The following DAB1 variants were observed in gnomAD, a reference collection of about 807,000 sequenced individuals.
The protein encoded by DAB1 is DAB adaptor protein 1.
DAB1 carries 15 observed loss-of-function variants against 64.6 expected under a neutral mutation model. That is an observed-to-expected ratio of 0.23 (90% CI 0.16 to 0.36). DAB1 has a LOEUF of 0.36. Ranked by LOEUF, DAB1 falls within the 10% of genes least tolerant of loss-of-function variation. The probability of loss-of-function intolerance (pLI) is 1.00; values close to 1 mark genes in which losing one functional copy is unlikely to be tolerated. For missense variants in DAB1, 596 were observed against 706.7 expected (o/e 0.84, Z 1.78); for synonymous variants, 235 against 251.9 (o/e 0.93, Z 0.64).
chr1:58,173,552 GT>G (rs1656294036), intron 4 of DAB1, among the ~76,000 whole-genome samples: 1 of 152,022 alleles, frequency 6.6e-6, no homozygotes, highest in South Asian at 2.1e-4. Flanking sequence ...ATACAAAATG[GT>G]TTTTTCTCCA....
intron 3 of DAB1, among the ~76,000 whole-genome samples, chr1:58,347,052 C>G (rs982528518): frequency 2.0e-5 from 3 of 151,894 alleles, no homozygotes; most frequent in Non-Finnish European, 4.4e-5. Flanking sequence ...AGAAAAGGTA[C>G]TTTATAAAGC....
At chr1:57,472,854 T>G (rs150694886) in intron 7 of DAB1, among the ~76,000 whole-genome samples, 3 of 152,324 alleles carry the variant, frequency 2.0e-5, no homozygotes, top group African/African-American at 4.8e-5. Flanking sequence ...CCTTAGCATG[T>G]CCATACCTTT....
At chr1:58,077,890 G>A (rs76837463) in intron 5 of DAB1, 9,311 of 152,212 alleles carry the variant, frequency 0.061, 361 homozygotes, top group Middle Eastern at 0.092. Flanking sequence ...GTTCTGAGAC[G>A]AGCAGCACCA....
At chr1:58,370,374 CGTGTGTGTGTGT>C (rs67230027) in intron 3 of DAB1, among the ~76,000 whole-genome samples, 18,806 of 144,498 alleles carry the variant, frequency 0.13, 1,436 homozygotes, top group African/African-American at 0.24. Context: ...TGAGTGTGTG[CGTGTGTGTGTGT>C]GTGTGTGTGT....
intron 4 of DAB1, among the ~76,000 whole-genome samples, chr1:58,268,991 G>A (rs901141101): frequency 4.8e-5 from 7 of 144,858 alleles, no homozygotes; most frequent in Non-Finnish European, 9.0e-5. Context: ...TTTTTCCTTG[G>A]TCCTCTTGTT....
At chr1:57,547,944 G>A (rs1022991284) in intron 7 of DAB1, among the ~76,000 whole-genome samples, 3 of 152,074 alleles carry the variant, frequency 2.0e-5, no homozygotes, top group African/African-American at 7.2e-5. Flanking sequence ...CAGTATAGTG[G>A]CTGGCACATA....
chr1:58,434,097 T>C (rs1386259313), intron 3 of DAB1, among the ~76,000 whole-genome samples: 1 of 152,082 alleles, frequency 6.6e-6, no homozygotes, highest in African/African-American at 2.4e-5. Context: ...ACTGAAGAAC[T>C]TTGGCTTTGA....
chr1:57,382,691 C>T (rs892726127), intron 1 of DAB1, among the ~76,000 whole-genome samples: 19 of 152,164 alleles, frequency 1.2e-4, no homozygotes, highest in Non-Finnish European at 2.4e-4. Context: ...GCTGCCAACT[C>T]TCTGGTTCTT....
At chr1:58,432,262 T>G (rs1167766030) in intron 3 of DAB1, among the ~76,000 whole-genome samples, 1 of 152,170 alleles carries the variant, frequency 6.6e-6, no homozygotes, top group Non-Finnish European at 1.5e-5. Flanking sequence ...CCACCTAAAG[T>G]TCCTATTATT....
chr1:57,083,193 A>C (rs185140334), intron 4 of DAB1, among the ~76,000 whole-genome samples: 4 of 152,298 alleles, frequency 2.6e-5, no homozygotes, highest in African/African-American at 9.6e-5. Context: ...GAGGTACCTG[A>C]GACACAGAAG....
At chr1:57,214,910 CAAAAAAAA>C (rs56175448) in intron 2 of DAB1, among the ~76,000 whole-genome samples, 30 of 58,756 alleles carry the variant, frequency 5.1e-4, no homozygotes, top group Non-Finnish European at 7.6e-4. Context: ...GATTCCCTCT[CAAAAAAAA>C]AAAAAAAAAA....
intron 7 of DAB1, among the ~76,000 whole-genome samples, chr1:57,592,448 T>A (rs1265924029): frequency 1.3e-5 from 2 of 151,704 alleles, no homozygotes; most frequent in Non-Finnish European, 2.9e-5. Flanking sequence ...AAAAAAAAAA[T>A]GGAAATATTA....
chr1:57,245,734 A>G (rs1486682612), intron 2 of DAB1, among the ~76,000 whole-genome samples: 1 of 152,244 alleles, frequency 6.6e-6, no homozygotes, highest in African/African-American at 2.4e-5. Context: ...TAGTGCCGCA[A>G]TAAACATACT....
At chr1:57,534,260 A>G (rs1644699343) in intron 7 of DAB1, among the ~76,000 whole-genome samples, 1 of 152,188 alleles carries the variant, frequency 6.6e-6, no homozygotes, top group South Asian at 2.1e-4. Flanking sequence ...TGGCAGTTAA[A>G]TAACTCAACA....
chr1:57,314,630 G>A (rs267643), intron 1 of DAB1, among the ~76,000 whole-genome samples: 21,849 of 151,982 alleles, frequency 0.14, 2,154 homozygotes, highest in African/African-American at 0.27. Context: ...AAATAAGCAA[G>A]GGATAAGCTA....
intron 4 of DAB1, among the ~76,000 whole-genome samples, chr1:58,222,633 C>T (rs72667957): frequency 6.6e-5 from 10 of 152,162 alleles, no homozygotes; most frequent in Admixed American, 2.0e-4. Context: ...AGAGAAGTGA[C>T]GTGACTTGCC....
At chr1:57,635,480 T>C (rs186407678) in intron 7 of DAB1, among the ~76,000 whole-genome samples, 14 of 152,212 alleles carry the variant, frequency 9.2e-5, no homozygotes, top group Non-Finnish European at 1.5e-4. Context: ...CATGGGAATG[T>C]GAATTGAGCA....
chr1:57,627,491 C>T (rs17116134), intron 7 of DAB1, among the ~76,000 whole-genome samples: 2,982 of 152,262 alleles, frequency 0.02, 82 homozygotes, highest in African/African-American at 0.064. Flanking sequence ...AAGGTCTTTG[C>T]TTATTATCCA....
intron 7 of DAB1, among the ~76,000 whole-genome samples, chr1:57,440,151 C>A (rs879759082): frequency 2.6e-5 from 4 of 152,166 alleles, no homozygotes; most frequent in East Asian, 3.9e-4. Context: ...CTGAATGAAA[C>A]CTTCTCTGAC....
Sources: gnomAD v4.1 joint callset for allele counts (sites outside exome capture counted in the v4.1 genomes callset) on GRCh38, gnomAD v4.1.1 for gene constraint, MANE v1.5 for transcripts, NCBI Gene and HGNC (gene_info 2026-07-23, HGNC 2026-07-21) for gene names.